The following TNRC18 variants were observed in gnomAD, a reference collection of about 807,000 sequenced individuals.
TNRC18 encodes the protein trinucleotide repeat containing 18.
A neutral mutation model predicts 226.7 loss-of-function variants in TNRC18; 69 were observed. The observed-to-expected ratio is 0.30, with a 90% CI of 0.25 to 0.37. The LOEUF is 0.37. Among genes scored for constraint, TNRC18 ranks in the 10% least tolerant of loss-of-function variants. The pLI, the probability that TNRC18 is intolerant of heterozygous loss-of-function variation, is 1.00. For synonymous variants in TNRC18, 2,449 were observed against 1,927.6 expected (o/e 1.27, Z -7.09); for missense variants, 4,754 against 4,256.6 (o/e 1.12, Z -3.25).
chr7:5,422,786 C>T (rs1782658768), intron 1 of TNRC18: 2 of 152,302 alleles, frequency 1.3e-5, no homozygotes, highest in African/African-American at 2.4e-5. Context: ...TCCCTCTCTC[C>T]CATCAGGCTC....
At position 5,359,401 on chromosome 7, in the gene TNRC18, A is replaced by G. The variant is rs1056893698; in HGVS notation, c.4830T>C (p.Ser1610=). Residue 1610 remains serine, a synonymous_variant, in exon 15 of 30, where the codon AGT becomes AGC. Transcript: ENST00000430969. The stretch of plus-strand genomic sequence containing the variant: ...CCTGGAAGACTGGGTTACTCACCTG[A>G]CTGATGAAGTCCGACGAGGCCTCAT... ...DEHEASSDFI[S]QLKIKKKKMA... 1 of 1,613,814 alleles carries G rather than the reference A, an allele frequency of 6.2e-7. No individual in the cohort carries two copies. The highest frequency in any genetic ancestry group is 1.3e-5 in the African/African-American group (1 of 74,898).
intron 17 of TNRC18, among the ~76,000 whole-genome samples, chr7:5,350,295 G>T (rs573260943): frequency 2.0e-5 from 3 of 152,076 alleles, no homozygotes; most frequent in Non-Finnish European, 4.4e-5. Flanking sequence ...CAGCCCAGGG[G>T]AACATGGGCC....
rs746358283 is a variant in TNRC18 at position 5,312,752 on chromosome 7, C to T, written c.8139G>A (p.Ser2713=). 1.5e-5 allele frequency: 23 copies of T among 1,536,414 alleles called. No individual in the cohort carries two copies. Among genetic ancestry groups the T allele is most frequent in the South Asian group, 5.1e-5 (4 of 77,938 alleles). ...ATKQAGKARP[S]AHSPGKKTPA... ...GCGTCTTCTTGCCTGGGGAGTGGGC[C>T]GAGGGCCGCGCCTTGCCGGCCTGCT... The change falls in exon 27 of 30, where the codon TCG becomes TCA. Residue 2713 remains serine (S), a synonymous_variant. Transcript: ENST00000430969. The surrounding 1 kb of genome is among the most constrained non-coding windows in gnomAD (Gnocchi z 6.3).
intron 2 of TNRC18, among the ~76,000 whole-genome samples, chr7:5,399,038 A>C (rs553892082): frequency 2.0e-5 from 3 of 152,260 alleles, no homozygotes; most frequent in East Asian, 3.9e-4. Context: ...AACCCCGAAG[A>C]AGCACAGCCC....
At chr7:5,345,517 G>GGGGGGGGGGCCCCCCCCCCCCCCCCCC in intron 18 of TNRC18, 45 bp downstream of exon 18, 46 of 377,662 alleles carry the variant, frequency 1.2e-4, no homozygotes, top group East Asian at 3.2e-4. Context: ...AATGGCGTCC[G>GGGGGGGGGGCCCCCCCCCCCCCCCCCC]CCCCTCCCAC....
In TNRC18 at chr7:5,361,719, G is replaced by C; in HGVS notation, c.4536C>G (p.Asp1512Glu). Residue 1512 changes from aspartate to glutamate, a missense_variant, in exon 14 of 30, where the codon GAC becomes GAG. Physicochemically the swap from Asp to Glu is conservative, Grantham distance 45 (BLOSUM62 2). Coordinates refer to ENST00000430969, the MANE Select transcript of TNRC18 (RefSeq NM_001080495.3). ...VKLQRRRDSE[D>E]RREEPHRSLA... ...AGCTTCTATGGGGTTCCTCGCGCCT[G>C]TCCCTTAAAAAGAATCACACGCTTG... 6.4e-7 allele frequency: 1 copy of C among 1,564,648 alleles called. No homozygotes were observed. The highest frequency in any genetic ancestry group is 1.2e-5 in the South Asian group (1 of 85,178).
Position 5,356,941 on chromosome 7 carries a change from G to C in TNRC18, c.5169C>G (p.Ala1723=). ...TGTAAGAGTAGCTGCTCACTTCCGA[G>C]GCAAACGGGGAATGGGCCGACTTGG... The part of the protein sequence containing the change: ...GQPKSAHSPF[A]SEVSSYSYNT... The change falls in exon 16 of 30, where the codon GCC becomes GCG. Residue 1723 remains alanine, a synonymous_variant. Coordinates refer to ENST00000430969, the MANE Select transcript of TNRC18 (RefSeq NM_001080495.3). The C allele has an allele frequency of 1.9e-6, 3 of 1,550,386 alleles. No homozygotes were observed. The highest frequency in any genetic ancestry group is 1.7e-6 in the Non-Finnish European group (2 of 1,146,320).
At position 5,387,863 on chromosome 7, in the gene TNRC18, T is replaced by C. The variant is rs1441977209; in HGVS notation, c.1961A>G (p.Asp654Gly). ...AAGGGRQLKR[D>G]PERPESAKAF... ...TTTGGCGCTCTCGGGCCTCTCGGGGTCCCGCTTCAGCTGCCGGCCGCCGCC... is the reference window on the plus strand; with the variant it reads ...TTTGGCGCTCTCGGGCCTCTCGGGGCCCCGCTTCAGCTGCCGGCCGCCGCC... Residue 654 changes from aspartate to glycine, a missense_variant, in exon 5 of 30, where the codon GAC becomes GGC. Transcript: ENST00000430969. The C allele has an allele frequency of 1.3e-6, 2 of 1,598,522 alleles. No individual in the cohort carries two copies. The highest frequency in any genetic ancestry group is 1.7e-6 in the Non-Finnish European group (2 of 1,175,638).
intron 21 of TNRC18, among the ~76,000 whole-genome samples, chr7:5,323,932 CG>C (rs1241531917): frequency 6.6e-6 from 1 of 152,212 alleles, no homozygotes; most frequent in Non-Finnish European, 1.5e-5. Flanking sequence ...CAGAAAGCTT[CG>C]CATTTTCCTT....
At position 5,388,076 on chromosome 7, in the gene TNRC18, G is replaced by A. The variant is rs1033434483; in HGVS notation, c.1748C>T (p.Ser583Leu). Residue 583 changes from serine (S) to leucine (L), a missense_variant, in exon 5 of 30, where the codon TCG becomes TTG. Coordinates refer to ENST00000430969, the MANE Select transcript of TNRC18 (RefSeq NM_001080495.3). ...HSAAHGSGEA[S>L]AMQSLIKYSG... The stretch of plus-strand genomic sequence containing the variant: ...GTACTTTATAAGGCTCTGCATGGCC[G>A]AGGCCTCTCCAGACCCGTGGGCCGC... 16 of 1,555,450 alleles carry A rather than the reference G, an allele frequency of 1.0e-5. No homozygotes were observed. The highest frequency in any genetic ancestry group is 1.9e-5 in the Admixed American group (1 of 51,474).
intron 14 of TNRC18, among the ~76,000 whole-genome samples, chr7:5,360,669 G>A (rs73338474): frequency 0.14 from 21,498 of 152,130 alleles, 1,688 homozygotes; most frequent in African/African-American, 0.21. Flanking sequence ...TGACCACCAC[G>A]CTGCTGGTGG....
intron 27 of TNRC18, among the ~76,000 whole-genome samples, chr7:5,310,817 C>T (rs1787100255): frequency 1.3e-5 from 2 of 152,258 alleles, no homozygotes; most frequent in South Asian, 2.1e-4. Context: ...TTGGGGGCTC[C>T]CTGCCAGCCT....
chr7:5,398,784 A>G (rs566147801), intron 2 of TNRC18, among the ~76,000 whole-genome samples: 67 of 145,014 alleles, frequency 4.6e-4, no homozygotes, highest in African/African-American at 1.7e-3. Context: ...CACCCCACTA[A>G]TTTTTTTCTT....
chr7:5,388,274 T>G lies in TNRC18; in HGVS notation c.1550A>C (p.Asn517Thr). 1.9e-6 allele frequency: 3 copies of G among 1,607,622 alleles called. No individual in the cohort carries two copies. Among genetic ancestry groups the G allele is most frequent in the South Asian group, 1.1e-5 (1 of 90,702 alleles). The change falls in exon 5 of 30, where the codon AAC becomes ACC. Residue 517 changes from asparagine (N) to threonine (T), a missense_variant. By Grantham distance (65) the Asn-to-Thr change is moderately conservative (BLOSUM62 0). Transcript: ENST00000430969. ...CACGGCCATCTGCGTGGCGGCGAAG[T>G]TGCCCAGCTCGAAGGGTTTCCATTT... ...EHKWKPFELGNFAATQMAVLA... is the reference protein window; with the variant it reads ...EHKWKPFELGTFAATQMAVLA...
chr7:5,361,452 C>T, intron 14 of TNRC18, 142 bp downstream of exon 14: 1 of 1,044,950 alleles, frequency 9.6e-7, no homozygotes, highest in Non-Finnish European at 1.3e-6. Flanking sequence ...AGGCCGTGCT[C>T]CCCGAGGGCC....
At position 5,361,910 on chromosome 7, in the gene TNRC18, G is replaced by C. The variant is rs748239026; in HGVS notation, c.4519C>G (p.Arg1507Gly). ...KQRELVKLQR[R>G]RDSEDRREEP... ...GGACACACTCACTCGGAGTCCCGGC[G>C]GCGCTGCAGCTTCACCAGCTCACGC... Residue 1507 changes from arginine (R) to glycine (G), a missense_variant, in exon 13 of 30, where the codon CGC (arginine) becomes GGC (glycine). Physicochemically the swap from Arg to Gly is moderately radical, Grantham distance 125. Transcript: ENST00000430969. 4.4e-6 allele frequency: 7 copies of C among 1,575,818 alleles called. No homozygotes were observed. In the Admixed American group the frequency reaches 1.1e-4, roughly 25 times the overall value.
chr7:5,377,987 C>A lies in TNRC18; in HGVS notation c.2190G>T (p.Arg730=). 6.2e-7 allele frequency: 1 copy of A among 1,613,146 alleles called. No homozygotes were observed. The highest frequency in any genetic ancestry group is 8.5e-7 in the Non-Finnish European group (1 of 1,179,804). ...GRADEDCVDD[R]ARHREERLLG... ...GCAGCCGTTCCTCCCGGTGTCTGGC[C>A]CGGTCGTCCACACAGTCCTCATCTG... The change falls in exon 6 of 30, where the codon CGG becomes CGT. Residue 730 remains arginine (R), a synonymous_variant. Coordinates refer to ENST00000430969, the MANE Select transcript of TNRC18 (RefSeq NM_001080495.3). The surrounding 1 kb of genome is among the most constrained non-coding windows in gnomAD (Gnocchi z 5.8).
chr7:5,326,203 G>C (rs12534098), intron 19 of TNRC18, among the ~76,000 whole-genome samples: 39,514 of 151,430 alleles, frequency 0.26, 5,573 homozygotes, highest in African/African-American at 0.35. Flanking sequence ...ACACACAACC[G>C]TGTAAATATG....
chr7:5,364,182 C>T (rs1562554256), intron 11 of TNRC18, among the ~76,000 whole-genome samples: 1 of 151,964 alleles, frequency 6.6e-6, no homozygotes, highest in African/African-American at 2.4e-5. Flanking sequence ...ACCTGTAGTC[C>T]CAGCTATTCG....
Sources: allele counts gnomAD v4.1 joint callset (sites outside exome capture counted in the v4.1 genomes callset), GRCh38; gene constraint gnomAD v4.1.1; non-coding constraint Gnocchi (gnomAD v3.1); transcripts MANE v1.5; gene names NCBI Gene and HGNC (gene_info 2026-07-23, HGNC 2026-07-21).